Variants in PAMR1 observed in about 807,000 individuals in gnomAD.
PAMR1 encodes inactive serine protease PAMR1.
A neutral mutation model predicts 81.8 loss-of-function variants in PAMR1; 88 were observed. The ratio of observed to expected loss-of-function variants is 1.08; its 90% CI spans 0.91 to 1.28. The LOEUF (loss-of-function observed/expected upper bound fraction) is 1.28, where lower values mean the gene tolerates loss of function less well. Ranked by LOEUF, PAMR1 falls within the 50% of genes most tolerant of loss-of-function variation. PAMR1 has a pLI of 0.00. For missense variants in PAMR1, 935 were observed against 919.7 expected, an observed-to-expected ratio of 1.02 and a Z score of -0.21; for synonymous variants, 336 against 345.3, an observed-to-expected ratio of 0.97 and a Z score of 0.30.
At chr11:35,481,499 GTCT>G (rs1565345850) in intron 3 of PAMR1, among the ~76,000 whole-genome samples, 1 of 130,142 alleles carries the variant, frequency 7.7e-6, no homozygotes, top group Non-Finnish European at 1.8e-5. Context: ...CTGCATAAAT[GTCT>G]TCTTGTTTTG....
chr11:35,457,962 C>G (rs1376984999), intron 6 of PAMR1, among the ~76,000 whole-genome samples: 1 of 152,068 alleles, frequency 6.6e-6, no homozygotes. Context: ...ATTTGCCCAC[C>G]TATAGGAGCC....
In PAMR1 at chr11:35,518,376, T is replaced by C. The variant is rs560322304; in HGVS notation, c.73+7137A>G. 3.7e-4 allele frequency among the ~76,000 whole-genome samples: 56 copies of C among 152,018 alleles called. No homozygotes were observed. In the South Asian group the frequency reaches 0.012, roughly 32 times the overall value. On this transcript the variant is annotated intron_variant, in intron 1 of 10. Transcript: ENST00000619888. ...TTCTAAGGAGGGATCCCATGGTGGA[T>C]GCAAAAGTCTAAAGGGAGGCTCATG...
chr11:35,487,645 T>C (rs1295871189), intron 3 of PAMR1, among the ~76,000 whole-genome samples: 1 of 152,190 alleles, frequency 6.6e-6, no homozygotes, highest in Non-Finnish European at 1.5e-5. Context: ...CCCAAACCTT[T>C]GGTACTTTCA....
At chr11:35,461,632 C>T (rs911568136) in intron 6 of PAMR1, among the ~76,000 whole-genome samples, 1 of 151,938 alleles carries the variant, frequency 6.6e-6, no homozygotes, top group African/African-American at 2.4e-5. Flanking sequence ...CACACATACA[C>T]ACCCACACAC....
At chr11:35,455,093 A>C (rs969955510) in intron 6 of PAMR1, among the ~76,000 whole-genome samples, 14 of 152,324 alleles carry the variant, frequency 9.2e-5, no homozygotes, top group Admixed American at 7.2e-4. Flanking sequence ...ATTTTAGTGG[A>C]TTCAAAGCAA....
intron 10 of PAMR1, among the ~76,000 whole-genome samples, chr11:35,433,276 A>C (rs1293699481): frequency 9.2e-5 from 14 of 152,280 alleles, no homozygotes; most frequent in Non-Finnish European, 2.1e-4. Flanking sequence ...ATGCTTGCAA[A>C]TAAATAAATG....
At chr11:35,484,250 G>C (rs1850456268) in intron 3 of PAMR1, among the ~76,000 whole-genome samples, 1 of 152,218 alleles carries the variant, frequency 6.6e-6, no homozygotes, top group Non-Finnish European at 1.5e-5. Flanking sequence ...AGGAAACTGA[G>C]ATTCACAAAG....
chr11:35,441,525 T>G lies in PAMR1; in HGVS notation c.989A>C (p.Gln330Pro), dbSNP rs748746852. The part of the protein sequence containing the change: ...VLSGNEKRTC[Q>P]QNGEWSGKQP... ...TTTCCCTGACCACTCTCCATTCTGC[T>G]GGCAAGTTCTTTTCTCATTGCCACT... is the stretch of plus-strand genomic sequence containing the variant. Residue 330 changes from glutamine (Q) to proline (P), a missense_variant, in exon 7 of 11, where the codon CAG (glutamine) becomes CCG (proline). Transcript: ENST00000619888. The G allele has an allele frequency of 6.2e-7, 1 of 1,613,770 alleles. No individual in the cohort carries two copies. Among genetic ancestry groups the G allele is most frequent in the East Asian group, 2.2e-5 (1 of 44,888 alleles).
chr11:35,525,783 C>T (rs1851376228), upstream of PAMR1: 1 of 603,062 alleles, frequency 1.7e-6, no homozygotes, highest in Non-Finnish European at 3.0e-6. Flanking sequence ...AACCTCTCCT[C>T]TCTGCTGCCT....
chr11:35,518,851 T>C (rs1851218487), intron 1 of PAMR1, among the ~76,000 whole-genome samples: 1 of 152,108 alleles, frequency 6.6e-6, no homozygotes, highest in Non-Finnish European at 1.5e-5. Flanking sequence ...ATGAGGACAG[T>C]TGTTGTGTCA....
intron 1 of PAMR1, among the ~76,000 whole-genome samples, chr11:35,507,039 CTTTTTTTTT>C (rs71044524): frequency 1.2e-5 from 1 of 86,862 alleles, no homozygotes; most frequent in Non-Finnish European, 2.3e-5. Context: ...AATAGCCTGA[CTTTTTTTTT>C]TTTTTTTTTT....
chr11:35,509,832 T>C (rs1009576148), intron 1 of PAMR1, among the ~76,000 whole-genome samples: 2 of 152,234 alleles, frequency 1.3e-5, no homozygotes, highest in Non-Finnish European at 2.9e-5. Context: ...GGCCAACTTG[T>C]AGTTTTGCCA....
chr11:35,460,622 G>T (rs1311895353), intron 6 of PAMR1, among the ~76,000 whole-genome samples: 6 of 152,116 alleles, frequency 3.9e-5, no homozygotes, highest in Non-Finnish European at 8.8e-5. Flanking sequence ...ATGGTTTCCA[G>T]CTTCATCCAT....
At chr11:35,466,726 CAAAAAAA>C (rs71044519) in intron 6 of PAMR1, among the ~76,000 whole-genome samples, 13 of 63,946 alleles carry the variant, frequency 2.0e-4, no homozygotes, top group Non-Finnish European at 2.6e-4. Context: ...GGCTCTATCT[CAAAAAAA>C]AAAAAAAAAA....
intron 1 of PAMR1, among the ~76,000 whole-genome samples, chr11:35,517,272 T>A (rs928053624): frequency 9.8e-5 from 15 of 152,332 alleles, no homozygotes; most frequent in African/African-American, 3.6e-4. Flanking sequence ...CATAGGAACA[T>A]GGATGTGCCA....
upstream of PAMR1, among the ~76,000 whole-genome samples, chr11:35,526,208 C>A (rs927095416): frequency 7.9e-5 from 12 of 152,236 alleles, no homozygotes; most frequent in African/African-American, 2.7e-4. Flanking sequence ...TCTTTTGCAA[C>A]TACAGGCTAC....
At chr11:35,471,347 C>T (rs958128345) in intron 4 of PAMR1, among the ~76,000 whole-genome samples, 6 of 152,182 alleles carry the variant, frequency 3.9e-5, no homozygotes, top group Admixed American at 2.6e-4. Flanking sequence ...ACACCTGCCT[C>T]GTTCCACAGT....
At chr11:35,530,106 C>G (rs1007433816), upstream of PAMR1, 1 of 152,364 alleles carries the variant, frequency 6.6e-6, no homozygotes, top group Middle Eastern at 3.4e-3. Flanking sequence ...AGAGGTAGAA[C>G]TGGTCTGCAA....
intron 1 of PAMR1, among the ~76,000 whole-genome samples, chr11:35,524,283 T>C (rs896602758): frequency 7.9e-5 from 12 of 152,174 alleles, no homozygotes; most frequent in Admixed American, 2.6e-4. Context: ...ACTCACCATC[T>C]TTATTGTAAA....
Sources: gnomAD v4.1 joint callset for allele counts (sites outside exome capture counted in the v4.1 genomes callset) on GRCh38, gnomAD v4.1.1 for gene constraint, MANE v1.5 for transcripts, NCBI Gene and HGNC (gene_info 2026-07-23, HGNC 2026-07-21) for gene names.